The following RFTN1 variants were observed in gnomAD, a reference collection of about 807,000 sequenced individuals.
The protein encoded by RFTN1 is raftlin, lipid raft linker 1, also known as raftlin.
A neutral mutation model predicts 46.5 loss-of-function variants in RFTN1; 26 were observed. The ratio of observed to expected loss-of-function variants is 0.56; its 90% CI spans 0.41 to 0.78. The LOEUF is 0.78. Among genes scored for constraint, RFTN1 ranks in the 30% least tolerant of loss-of-function variants. The pLI is 0.00. For synonymous variants in RFTN1, 261 were observed against 284.2 expected (o/e 0.92, Z 0.82); for missense variants, 693 against 718.7 (o/e 0.96, Z 0.41).
chr3:16,494,141 T>C (rs1352786194), intron 1 of RFTN1, among the ~76,000 whole-genome samples: 1 of 152,202 alleles, frequency 6.6e-6, no homozygotes, highest in Non-Finnish European at 1.5e-5. Flanking sequence ...CTGTTTTATA[T>C]CTTTTTTCCC....
chr3:16,329,620 G>A lies in RFTN1; in HGVS notation c.1147-2744C>T, dbSNP rs1229625676. On this transcript the variant is annotated intron_variant, in intron 7 of 9. Coordinates refer to ENST00000334133, the MANE Select transcript of RFTN1 (RefSeq NM_015150.2). The surrounding 1 kb of genome is among the most constrained non-coding windows in gnomAD (Gnocchi z 4.5). ...GCCACGCTCACCACCTGCTGAAGGA[G>A]TCCTGAGGCTGCTTTATCCTGAGAA... Among the ~76,000 whole-genome samples, 1 of 152,184 alleles carries A rather than the reference G, an allele frequency of 6.6e-6. No individual in the cohort carries two copies. Among genetic ancestry groups the A allele is most frequent in the South Asian group, 2.1e-4 (1 of 4,834 alleles).
intron 7 of RFTN1, among the ~76,000 whole-genome samples, chr3:16,330,843 C>T (rs2070238718): frequency 6.6e-6 from 1 of 152,190 alleles, no homozygotes; most frequent in Admixed American, 6.5e-5. Flanking sequence ...ATATGTTTGT[C>T]TTTTGATGAT....
rs562060662 is a variant in RFTN1 at position 16,352,959 on chromosome 3, T to C, written c.1146+4973A>G. On this transcript the variant is annotated intron_variant, in intron 7 of 9. Transcript: ENST00000334133. The surrounding 1 kb of genome is among the most constrained non-coding windows in gnomAD (Gnocchi z 4.6). ...CGCACACTACATTTTCGTGTGTCCATGCACGTGAAGAGAGAGGGAAGCCAG... is the reference window on the plus strand; with the variant it reads ...CGCACACTACATTTTCGTGTGTCCACGCACGTGAAGAGAGAGGGAAGCCAG... Among the ~76,000 whole-genome samples, 83 of 152,170 alleles carry C rather than the reference T, an allele frequency of 5.5e-4. 1 individual carries two copies. The highest frequency in any genetic ancestry group is 1.1e-3 in the Non-Finnish European group (77 of 68,010).
In RFTN1 at chr3:16,352,019, ACACT is replaced by A. The variant is rs1445085968; in HGVS notation, c.1146+5909_1146+5912del. Reference sequence around the variant, plus strand: ...ATGAGGCAGAACTCTACTTCAGCAGACACTCAACTCAAAAAGACTGGCAAATGGA... The same window carrying A: ...ATGAGGCAGAACTCTACTTCAGCAGACAACTCAAAAAGACTGGCAAATGGA... On this transcript the variant is annotated intron_variant, in intron 7 of 9. Transcript: ENST00000334133. This position sits in a 1 kb window ranked among gnomAD's most constrained non-coding sequence, Gnocchi z 4.6. Among the ~76,000 whole-genome samples the A allele has an allele frequency of 6.6e-6, 1 of 152,258 alleles. No homozygotes were observed. Among genetic ancestry groups the A allele is most frequent in the African/African-American group, 2.4e-5 (1 of 41,470 alleles).
chr3:16,477,737 T>A (rs1168188863), intron 2 of RFTN1, among the ~76,000 whole-genome samples: 1 of 152,218 alleles, frequency 6.6e-6, no homozygotes, highest in Non-Finnish European at 1.5e-5. Context: ...TAGGGCCTTG[T>A]GGAAGGCTAA....
intron 2 of RFTN1, among the ~76,000 whole-genome samples, chr3:16,469,876 A>G (rs2076165455): frequency 2.6e-5 from 4 of 152,206 alleles, no homozygotes; most frequent in Admixed American, 2.6e-4. Context: ...ACACAGGGAC[A>G]TTTCCTGAAG....
chr3:16,393,531 G>A (rs780883727), intron 4 of RFTN1, among the ~76,000 whole-genome samples: 6 of 152,208 alleles, frequency 3.9e-5, no homozygotes, highest in Admixed American at 2.6e-4. Context: ...ATTTACATAC[G>A]TTCAAGATCT....
In RFTN1 at chr3:16,410,398, G is replaced by T. The variant is rs1363735834; in HGVS notation, c.333-915C>A. On this transcript the variant is annotated intron_variant, in intron 3 of 9. Coordinates refer to ENST00000334133, the MANE Select transcript of RFTN1 (RefSeq NM_015150.2). This position sits in a 1 kb window ranked among gnomAD's most constrained non-coding sequence, Gnocchi z 4.6. Reference sequence around the variant, plus strand: ...GGAAGGCTTATGTGGATGGGGATGGGGATGGGTGGTGATGGTATGGGTGTG... The same window carrying T: ...GGAAGGCTTATGTGGATGGGGATGGTGATGGGTGGTGATGGTATGGGTGTG... 2.6e-5 allele frequency among the ~76,000 whole-genome samples: 4 copies of T among 152,088 alleles called. No individual in the cohort carries two copies. The highest frequency in any genetic ancestry group is 5.9e-5 in the Non-Finnish European group (4 of 68,032).
At chr3:16,502,383 C>CAAA (rs140019736) in intron 1 of RFTN1, among the ~76,000 whole-genome samples, 1 of 71,008 alleles carries the variant, frequency 1.4e-5, no homozygotes, top group Non-Finnish European at 3.1e-5. Context: ...GACCTTGTCT[C>CAAA]AAAAAAAAAA....
At chr3:16,463,312 T>C (rs771733259) in intron 2 of RFTN1, among the ~76,000 whole-genome samples, 2 of 152,168 alleles carry the variant, frequency 1.3e-5, no homozygotes, top group African/African-American at 2.4e-5. Context: ...GTTATACATA[T>C]CTTAGACTTT....
At chr3:16,331,084 G>A (rs1260359139) in intron 7 of RFTN1, among the ~76,000 whole-genome samples, 1 of 152,166 alleles carries the variant, frequency 6.6e-6, no homozygotes, top group Non-Finnish European at 1.5e-5. Context: ...CCACTTCTGG[G>A]GTGTTCTCCA....
intron 9 of RFTN1, 86 bp downstream of exon 9, chr3:16,323,290 A>C: frequency 1.0e-6 from 1 of 972,404 alleles, no homozygotes; most frequent in Non-Finnish European, 1.6e-6. Context: ...AAGCTGGAGC[A>C]GGCTGCCCCC....
chr3:16,375,211 G>T (rs1273714677), intron 5 of RFTN1, among the ~76,000 whole-genome samples: 2 of 152,060 alleles, frequency 1.3e-5, no homozygotes, highest in Non-Finnish European at 2.9e-5. Context: ...GCCTGGGGGG[G>T]CCCGTGTGTG....
rs1157992830 is a variant in RFTN1 at position 16,506,102 on chromosome 3, G to T, written c.-9+7340C>A. Among the ~76,000 whole-genome samples, 1 of 152,212 alleles carries T rather than the reference G, an allele frequency of 6.6e-6. No homozygotes were observed. The highest frequency in any genetic ancestry group is 1.5e-5 in the Non-Finnish European group (1 of 68,044). On this transcript the variant is annotated intron_variant, in intron 1 of 9. Transcript: ENST00000334133. This position sits in a 1 kb window ranked among gnomAD's most constrained non-coding sequence, Gnocchi z 4.8. ...AACTAGAAAACAACAATGCAGGGGG[G>T]AGGGATAGCAATCACAGGAGGAGGT... is the stretch of plus-strand genomic sequence containing the variant.
chr3:16,355,695 G>C (rs1391283159), intron 7 of RFTN1, among the ~76,000 whole-genome samples: 1 of 152,244 alleles, frequency 6.6e-6, no homozygotes, highest in Non-Finnish European at 1.5e-5. Flanking sequence ...TGCAGGGCCT[G>C]CTAAAACGCA....
rs534365191 is a variant in RFTN1 at position 16,409,443 on chromosome 3, C to G, written c.373G>C (p.Glu125Gln). Residue 125 changes from glutamate (E) to glutamine (Q), a missense_variant, in exon 4 of 10, where the codon GAA becomes CAA. Transcript: ENST00000334133. Reference protein sequence around the residue: ...TDLHNEGYILELDCCSSLDHP... With the variant: ...TDLHNEGYILQLDCCSSLDHP... ...TCTAAGGAGGAACAGCAATCTAATT[C>G]CAAGATGTAGCCTTCATTGTGAAGA... is the stretch of plus-strand genomic sequence containing the variant. 1 of 1,613,656 alleles carries G rather than the reference C, an allele frequency of 6.2e-7. No homozygotes were observed. The highest frequency in any genetic ancestry group is 8.5e-7 in the Non-Finnish European group (1 of 1,179,634).
Position 16,376,311 on chromosome 3 carries a change from G to A in RFTN1, c.826+1407C>T, listed in dbSNP as rs2073768464. Among the ~76,000 whole-genome samples, 1 of 152,028 alleles carries A rather than the reference G, an allele frequency of 6.6e-6. No individual in the cohort carries two copies. The highest frequency in any genetic ancestry group is 1.5e-5 in the Non-Finnish European group (1 of 68,030). ...AAGGGTGAGAAACTGAGGCACGGAA[G>A]GCAGGCCGGAATGTATACTCTAGAT... is the stretch of plus-strand genomic sequence containing the variant. On this transcript the variant is annotated intron_variant, in intron 5 of 9. Transcript: ENST00000334133. This position sits in a 1 kb window ranked among gnomAD's most constrained non-coding sequence, Gnocchi z 4.7.
At chr3:16,358,149 CA>C (rs1330939022) in intron 6 of RFTN1, 102 bp from the exon 7 acceptor site, 4 of 688,564 alleles carry the variant, frequency 5.8e-6, no homozygotes, top group Non-Finnish European at 1.0e-5. Context: ...TTAATAATCC[CA>C]ATCAGAACAT....
At chr3:16,434,517 T>C (rs936004676) in intron 2 of RFTN1, among the ~76,000 whole-genome samples, 20 of 152,036 alleles carry the variant, frequency 1.3e-4, no homozygotes, top group Non-Finnish European at 2.8e-4. Flanking sequence ...ATAGGGCCAC[T>C]GCACTCTAGC....
Sources: gnomAD v4.1 joint callset for allele counts (sites outside exome capture counted in the v4.1 genomes callset) on GRCh38, gnomAD v4.1.1 for gene constraint, Gnocchi (gnomAD v3.1) non-coding constraint, MANE v1.5 for transcripts, NCBI Gene and HGNC (gene_info 2026-07-23, HGNC 2026-07-21) for gene names.